The following DMD variants were observed in gnomAD, a reference collection of about 807,000 sequenced individuals.
DMD encodes the protein dystrophin.
A neutral mutation model predicts 330.1 loss-of-function variants in DMD; 63 were observed. The ratio of observed to expected loss-of-function variants is 0.19; its 90% CI spans 0.16 to 0.24. DMD has a LOEUF of 0.24. Ranked by LOEUF, DMD falls within the 10% of genes least tolerant of loss-of-function variation. The pLI is 1.00. For missense variants in DMD, 3,344 were observed against 2,684.1 expected (o/e 1.25, Z -5.43); for synonymous variants, 1,223 against 959.8 (o/e 1.27, Z -5.07).
intron 9 of DMD, among the ~76,000 whole-genome samples, chrX:32,692,820 C>T (rs759247032): frequency 8.9e-6 from 1 of 112,083 alleles, no homozygotes; most frequent in South Asian, 3.7e-4. Flanking sequence ...ACCACAAAAT[C>T]TTATCTAACC....
chrX:33,192,235 A>T (rs1481884464), intron 1 of DMD, among the ~76,000 whole-genome samples: 4 of 112,001 alleles, frequency 3.6e-5, no homozygotes, highest in African/African-American at 1.3e-4. Flanking sequence ...TCAAAGCATA[A>T]CAGTCATGTT....
intron 25 of DMD, among the ~76,000 whole-genome samples, chrX:32,458,420 G>C (rs1243476390): frequency 9.0e-6 from 1 of 111,285 alleles, no homozygotes; most frequent in Non-Finnish European, 1.9e-5. Flanking sequence ...TTGTTTCCAT[G>C]TCTTGGCTAT....
intron 1 of DMD, among the ~76,000 whole-genome samples, chrX:33,230,989 T>A (rs1173479998): frequency 1.8e-5 from 2 of 111,328 alleles, no homozygotes; most frequent in Admixed American, 9.6e-5. Flanking sequence ...ACAGTTGGAA[T>A]CAGGCACCTT....
In DMD at chrX:32,458,968, C is replaced by T. The variant is rs73451768; in HGVS notation, c.3433-4136G>A. On this transcript the variant is annotated intron_variant, in intron 25 of 78. Coordinates refer to ENST00000357033, the MANE Select transcript of DMD (RefSeq NM_004006.3). ...CTAGAATCTAAAATAGTCAAACTCA[C>T]AGAACTAGAGAGTAGAATAGTGGTT... 7.6e-3 allele frequency among the ~76,000 whole-genome samples: 844 copies of T among 110,726 alleles called. 8 individuals carry two copies. Among genetic ancestry groups the T allele is most frequent in the African/African-American group, 0.025 (763 of 30,565 alleles).
intron 1 of DMD, among the ~76,000 whole-genome samples, chrX:33,222,711 T>C (rs2148875290): frequency 8.9e-6 from 1 of 111,974 alleles, no homozygotes; most frequent in African/African-American, 3.2e-5. Context: ...GCAAGATAAA[T>C]ATACAAAAAT....
chrX:33,146,696 T>C (rs1363978615), intron 1 of DMD, among the ~76,000 whole-genome samples: 1 of 111,943 alleles, frequency 8.9e-6, no homozygotes, highest in Non-Finnish European at 1.9e-5. Context: ...GTCGCCCCTA[T>C]GAGGGGTATT....
chrX:32,076,580 C>T (rs2096353413), intron 44 of DMD, among the ~76,000 whole-genome samples: 1 of 110,012 alleles, frequency 9.1e-6, no homozygotes, highest in Non-Finnish European at 1.9e-5. Context: ...GGGGTTTCAC[C>T]GTGTTAGCCA....
At chrX:31,197,853 G>C (rs1048500649) in intron 67 of DMD, among the ~76,000 whole-genome samples, 1 of 110,711 alleles carries the variant, frequency 9.0e-6, no homozygotes, top group African/African-American at 3.3e-5. Context: ...CCCATCAGTG[G>C]ATGAATGCAT....
chrX:33,145,654 T>C (rs1338565815), intron 1 of DMD, among the ~76,000 whole-genome samples: 2 of 108,615 alleles, frequency 1.8e-5, no homozygotes, highest in African/African-American at 6.6e-5. Flanking sequence ...TATATATATA[T>C]ATACAGTAAT....
At chrX:31,434,416 GCGCACACACACACACACACACACACACA>G (rs1392425377) in intron 60 of DMD, among the ~76,000 whole-genome samples, 5 of 66,384 alleles carry the variant, frequency 7.5e-5, no homozygotes, top group Admixed American at 1.8e-4. Context: ...TGCAGCGCGC[GCGCACACACACACACACACACACACACA>G]CACACACACA....
chrX:32,449,461 C>G (rs1304927893), intron 26 of DMD, among the ~76,000 whole-genome samples: 1 of 110,173 alleles, frequency 9.1e-6, no homozygotes, highest in Non-Finnish European at 1.9e-5. Context: ...TTCTGGTCTT[C>G]TCTCCTTCTG....
intron 41 of DMD, among the ~76,000 whole-genome samples, chrX:32,322,618 A>G (rs1306860007): frequency 8.9e-6 from 1 of 111,821 alleles, no homozygotes; most frequent in Non-Finnish European, 1.9e-5. Context: ...ATTTAGAAAC[A>G]TTTAAAATTA....
intron 44 of DMD, among the ~76,000 whole-genome samples, chrX:32,126,150 C>T (rs1310763676): frequency 8.9e-6 from 1 of 112,168 alleles, no homozygotes; most frequent in East Asian, 2.8e-4. Context: ...GAAACTGACC[C>T]TCTCGAACTC....
At chrX:32,719,344 G>T (rs1223958728) in intron 7 of DMD, among the ~76,000 whole-genome samples, 2 of 111,779 alleles carry the variant, frequency 1.8e-5, no homozygotes, top group Non-Finnish European at 3.8e-5. Context: ...ATAAAAATCA[G>T]CACTGAGCTT....
intron 1 of DMD, among the ~76,000 whole-genome samples, chrX:33,150,800 T>C (rs986090396): frequency 1.8e-5 from 2 of 110,269 alleles, no homozygotes; most frequent in African/African-American, 6.6e-5. Context: ...CTTGCCCTAC[T>C]ACTTTTATTT....
intron 12 of DMD, among the ~76,000 whole-genome samples, chrX:32,612,227 G>A (rs1294453604): frequency 9.0e-6 from 1 of 111,090 alleles, no homozygotes; most frequent in Admixed American, 9.6e-5. Flanking sequence ...AGATTCTACA[G>A]GATTTCTCTA....
rs568351013 is a variant in DMD at position 31,537,104 on chromosome X, C to A, written c.8218-29651G>T. 2.7e-5 allele frequency among the ~76,000 whole-genome samples: 3 copies of A among 112,330 alleles called. No homozygotes were observed. In the South Asian group the frequency reaches 1.1e-3, roughly 41 times the overall value. On this transcript the variant is annotated intron_variant, in intron 55 of 78. Transcript: ENST00000357033. ...AAGTAATTACTGAGTTCTCCATAATCAACACTGAAATCACTTGCATAAAGG... is the reference window on the plus strand; with the variant it reads ...AAGTAATTACTGAGTTCTCCATAATAAACACTGAAATCACTTGCATAAAGG...
chrX:32,125,424 T>C (rs2096656934), intron 44 of DMD, among the ~76,000 whole-genome samples: 1 of 111,607 alleles, frequency 9.0e-6, no homozygotes, highest in African/African-American at 3.3e-5. Flanking sequence ...TGGATGTGTA[T>C]CGGGTTTGAA....
chrX:32,237,937 C>T (rs61671297), intron 43 of DMD, among the ~76,000 whole-genome samples: 15,024 of 111,177 alleles, frequency 0.14, 1,020 homozygotes, highest in East Asian at 0.43. Context: ...CATAACAAGG[C>T]GAATCATGCC....
Sources: allele counts gnomAD v4.1 joint callset (sites outside exome capture counted in the v4.1 genomes callset), GRCh38; gene constraint gnomAD v4.1.1; transcripts MANE v1.5; gene names NCBI Gene and HGNC (gene_info 2026-07-23, HGNC 2026-07-21).